Variants in AOX1 observed in about 807,000 individuals in gnomAD.
AOX1 encodes the protein aldehyde oxidase.
Under a neutral mutation model 169.5 loss-of-function variants are expected in AOX1, and 153 were observed. The observed-to-expected ratio is 0.90, with a 90% CI of 0.79 to 1.03. The LOEUF (loss-of-function observed/expected upper bound fraction) is 1.03. Ranked by LOEUF, AOX1 falls within the 50% of genes least tolerant of loss-of-function variation. The pLI, the probability that AOX1 is intolerant of heterozygous loss-of-function variation, is 0.00. For missense variants in AOX1, 1,656 were observed against 1,663.9 expected, an observed-to-expected ratio of 1.00 and a Z score of 0.08; for synonymous variants, 562 against 581.9, an observed-to-expected ratio of 0.97 and a Z score of 0.49.
intron 18 of AOX1, among the ~76,000 whole-genome samples, chr2:200,623,592 T>C (rs2034933832): frequency 1.3e-5 from 2 of 152,242 alleles, no homozygotes; most frequent in Admixed American, 1.3e-4. Flanking sequence ...CACAGCCTCA[T>C]AGGCTTGGCC....
At chr2:200,656,456 T>G (rs1318209695) in intron 26 of AOX1, among the ~76,000 whole-genome samples, 1 of 152,204 alleles carries the variant, frequency 6.6e-6, no homozygotes, top group Non-Finnish European at 1.5e-5. Flanking sequence ...ACTCCAAAGC[T>G]CTGTAGTTCT....
intron 29 of AOX1, 64 bp from the exon 30 acceptor site, chr2:200,661,515 G>GA: frequency 7.9e-7 from 1 of 1,263,372 alleles, no homozygotes; most frequent in Non-Finnish European, 1.2e-6. Flanking sequence ...AATTAAAATT[G>GA]AAGTCTTGAG....
intron 5 of AOX1, among the ~76,000 whole-genome samples, chr2:200,600,706 G>A (rs751071774): frequency 6.6e-6 from 1 of 152,068 alleles, no homozygotes; most frequent in South Asian, 2.1e-4. Flanking sequence ...GAGAGACATC[G>A]CTCATAAACT....
At chr2:200,587,193 A>C (rs2034056629) in intron 1 of AOX1, among the ~76,000 whole-genome samples, 1 of 151,604 alleles carries the variant, frequency 6.6e-6, no homozygotes, top group African/African-American at 2.4e-5. Context: ...GGGGAGGGTG[A>C]AGGAGGATTG....
chr2:200,613,031 A>T (rs75445593), intron 14 of AOX1, among the ~76,000 whole-genome samples: 14 of 119,552 alleles, frequency 1.2e-4, no homozygotes, highest in East Asian at 5.3e-4. Context: ...TGTGTGTGAG[A>T]GAGAGAGAGA....
chr2:200,601,586 G>C (rs1386778315), intron 5 of AOX1, among the ~76,000 whole-genome samples: 5 of 152,018 alleles, frequency 3.3e-5, no homozygotes, highest in African/African-American at 1.2e-4. Flanking sequence ...AAGTTGTACA[G>C]CTTTTTGCAT....
Position 200,659,090 on chromosome 2 carries a change from T to G in AOX1, c.3172-75T>G, listed in dbSNP as rs112872219. On this transcript the variant is annotated intron_variant, in intron 27 of 34. Transcript: ENST00000374700. Reference sequence around the variant, plus strand: ...CATGGGTATGAGGGTATCACACATGTGTTACCACGTGGGCATGTGCACAGG... The same window carrying G: ...CATGGGTATGAGGGTATCACACATGGGTTACCACGTGGGCATGTGCACAGG... 3.0e-3 allele frequency: 4,370 copies of G among 1,450,352 alleles called. 106 individuals carry two copies. The African/African-American group carries it at 0.053, about 18-fold the overall frequency. The allele number at this position is 1,450,352 out of a possible 1,614,324, so 89.8% of individuals were successfully genotyped here.
intron 26 of AOX1, among the ~76,000 whole-genome samples, chr2:200,656,323 T>G (rs963375468): frequency 6.6e-6 from 1 of 152,170 alleles, no homozygotes; most frequent in Non-Finnish European, 1.5e-5. Context: ...TAAAAACATG[T>G]TTAGCTTAGA....
rs546310266 is a variant in AOX1 at position 200,617,273 on chromosome 2, A to G, written c.1704+1210A>G. Among the ~76,000 whole-genome samples, 114 of 152,290 alleles carry G rather than the reference A, an allele frequency of 7.5e-4. 1 individual carries two copies. Among genetic ancestry groups the G allele is most frequent in the Admixed American group, 3.1e-3 (48 of 15,302 alleles). On this transcript the variant is annotated intron_variant, in intron 16 of 34. Transcript: ENST00000374700. ...TTTTCACACACACATACAAACATCC[A>G]CATTGCTAGAGCAACGTCAGCACTC...
chr2:200,599,819 C>G, intron 5 of AOX1, 73 bp downstream of exon 5: 1 of 1,221,884 alleles, frequency 8.2e-7, no homozygotes, highest in South Asian at 2.8e-5. Context: ...GAATCTCACT[C>G]TGTTGCCCGG....
At chr2:200,615,858 T>C (rs2105715381) in intron 15 of AOX1, 113 bp from the exon 16 acceptor site, 1 of 731,884 alleles carries the variant, frequency 1.4e-6, no homozygotes, top group Non-Finnish European at 2.4e-6. Flanking sequence ...GTGCTTAATA[T>C]ACGTGAGACT....
In AOX1 at chr2:200,612,224, G is replaced by A. The variant is rs897446335; in HGVS notation, c.1264-385G>A. 6.6e-5 allele frequency among the ~76,000 whole-genome samples: 10 copies of A among 152,166 alleles called. No homozygotes were observed. The South Asian group carries it at 2.1e-3, about 32-fold the overall frequency. ...GAGATAGAGTCAGGTTTGAATCCTG[G>A]TTTCAAGGCCTGAACTAATTACTGA... is the stretch of plus-strand genomic sequence containing the variant. On this transcript the variant is annotated intron_variant, in intron 13 of 34. Coordinates refer to ENST00000374700, the MANE Select transcript of AOX1 (RefSeq NM_001159.4).
At chr2:200,625,060 G>A (rs2034972437) in intron 19 of AOX1, among the ~76,000 whole-genome samples, 2 of 152,166 alleles carry the variant, frequency 1.3e-5, no homozygotes, top group African/African-American at 2.4e-5. Flanking sequence ...TTGTCTCTGG[G>A]AATTTTTCTT....
intron 28 of AOX1, among the ~76,000 whole-genome samples, 168 bp from the exon 29 acceptor site, chr2:200,659,825 CGT>C (rs2035785487): frequency 6.8e-6 from 1 of 146,918 alleles, no homozygotes; most frequent in Non-Finnish European, 1.5e-5. Flanking sequence ...CACACACACA[CGT>C]GCACACACTC....
At chr2:200,648,625 G>A (rs1250783403) in intron 25 of AOX1, among the ~76,000 whole-genome samples, 4 of 152,196 alleles carry the variant, frequency 2.6e-5, no homozygotes, top group Non-Finnish European at 5.9e-5. Flanking sequence ...GAGAGGGATT[G>A]GCGGTGGGCA....
At chr2:200,643,398 C>CAT (rs1553575177) in intron 25 of AOX1, among the ~76,000 whole-genome samples, 5,684 of 148,784 alleles carry the variant, frequency 0.038, 171 homozygotes, top group African/African-American at 0.072. Flanking sequence ...CACACACACA[C>CAT]ATATATATAT....
intron 31 of AOX1, 43 bp downstream of exon 31, chr2:200,663,012 C>A: frequency 6.8e-7 from 1 of 1,480,184 alleles, no homozygotes; most frequent in Non-Finnish European, 9.4e-7. Context: ...ACTTAGGATG[C>A]ACCTAAATTC....
intron 31 of AOX1, among the ~76,000 whole-genome samples, chr2:200,665,972 A>G (rs1042060963): frequency 1.3e-5 from 2 of 152,220 alleles, no homozygotes; most frequent in Non-Finnish European, 2.9e-5. Flanking sequence ...CCCAGATCAA[A>G]TAAGGAAACT....
intron 1 of AOX1, among the ~76,000 whole-genome samples, chr2:200,588,754 G>C (rs527922946): frequency 5.6e-4 from 19 of 34,180 alleles, no homozygotes; most frequent in Non-Finnish European, 1.1e-3. Context: ...TTTTGAGATC[G>C]AGTCTCACTC....
Sources: gnomAD v4.1 joint callset for allele counts (sites outside exome capture counted in the v4.1 genomes callset) on GRCh38, gnomAD v4.1.1 for gene constraint, MANE v1.5 for transcripts, NCBI Gene and HGNC (gene_info 2026-07-23, HGNC 2026-07-21) for gene names.